UMAD1: variants seen among roughly 807,000 people sequenced by gnomAD.
The protein encoded by UMAD1 is UBAP1-MVB12-associated (UMA)-domain containing protein 1.
Under a neutral mutation model 6.1 loss-of-function variants are expected in UMAD1, and 8 were observed. The observed-to-expected ratio is 1.30, with a 90% CI of 0.76 to 2.35. UMAD1 has a LOEUF of 2.35. Among genes scored for constraint, UMAD1 ranks in the 30% most tolerant of loss-of-function variants. The pLI, the probability that UMAD1 is intolerant of heterozygous loss-of-function variation, is 0.00. For synonymous variants in UMAD1, 56 were observed against 31.4 expected, an observed-to-expected ratio of 1.78 and a Z score of -2.61; for missense variants, 130 against 78.4, an observed-to-expected ratio of 1.66 and a Z score of -2.49.
intron 3 of UMAD1, among the ~76,000 whole-genome samples, chr7:7,831,170 A>T (rs1018979698): frequency 3.9e-5 from 6 of 152,206 alleles, no homozygotes; most frequent in African/African-American, 1.4e-4. Flanking sequence ...GTTACAGTTA[A>T]GGTGACATTA....
intron 2 of UMAD1, among the ~76,000 whole-genome samples, chr7:7,728,671 A>C (rs894777238): frequency 9.9e-5 from 15 of 151,614 alleles, no homozygotes; most frequent in Admixed American, 9.9e-4. Context: ...CACCTATCTC[A>C]GAGGTTGATC....
At chr7:7,768,888 TATTA>T (rs1171685748) in intron 2 of UMAD1, among the ~76,000 whole-genome samples, 1 of 152,236 alleles carries the variant, frequency 6.6e-6, no homozygotes, top group African/African-American at 2.4e-5. Context: ...GTCTATAACA[TATTA>T]ATTAAGTCAG....
At chr7:7,844,996 T>A (rs1289405948) in intron 3 of UMAD1, among the ~76,000 whole-genome samples, 1 of 152,176 alleles carries the variant, frequency 6.6e-6, no homozygotes, top group Non-Finnish European at 1.5e-5. Flanking sequence ...CGTAAAAAAA[T>A]TTACATAAAT....
At chr7:7,850,434 C>T (rs534090772) in intron 3 of UMAD1, among the ~76,000 whole-genome samples, 1 of 152,076 alleles carries the variant, frequency 6.6e-6, no homozygotes, top group African/African-American at 2.4e-5. Flanking sequence ...TCTCCTTGAA[C>T]TCAGATTTCC....
At chr7:7,802,211 C>G (rs1469119076) in intron 3 of UMAD1, among the ~76,000 whole-genome samples, 2 of 152,168 alleles carry the variant, frequency 1.3e-5, no homozygotes, top group African/African-American at 4.8e-5. Flanking sequence ...AACCCCATCT[C>G]TACTAAAAAT....
intron 3 of UMAD1, among the ~76,000 whole-genome samples, chr7:7,850,350 T>A (rs1209837709): frequency 6.6e-6 from 1 of 151,942 alleles, no homozygotes; most frequent in Non-Finnish European, 1.5e-5. Flanking sequence ...TTTGATACAT[T>A]ACATCATCCA....
chr7:7,813,459 C>G (rs569556336), intron 3 of UMAD1, among the ~76,000 whole-genome samples: 8 of 152,292 alleles, frequency 5.3e-5, no homozygotes, highest in Non-Finnish European at 8.8e-5. Context: ...CTGCCTTGGC[C>G]TCCCAAAGTG....
chr7:7,867,222 G>A (rs1330411539), intron 3 of UMAD1, among the ~76,000 whole-genome samples: 10 of 152,282 alleles, frequency 6.6e-5, no homozygotes, highest in African/African-American at 2.4e-4. Context: ...AAAAGGAAAT[G>A]TATAATAGGA....
Position 7,873,938 on chromosome 7 carries a change from C to G in UMAD1, c.157-3343C>G, listed in dbSNP as rs966508045. 2.0e-5 allele frequency among the ~76,000 whole-genome samples: 3 copies of G among 152,272 alleles called. No individual in the cohort carries two copies. The East Asian group carries it at 5.8e-4, about 29-fold the overall frequency. On this transcript the variant is annotated intron_variant, in intron 3 of 3. Coordinates refer to ENST00000682710, the MANE Select transcript of UMAD1 (RefSeq NM_001302348.2). ...TGTTCTAATTTTCTCTCCACTTTCT[C>G]CACCAGATCTCGTCCAGCTGCAGAT...
At chr7:7,654,772 C>T (rs977885111) in intron 1 of UMAD1, among the ~76,000 whole-genome samples, 9 of 151,784 alleles carry the variant, frequency 5.9e-5, no homozygotes, top group South Asian at 2.1e-4. Context: ...GGTGTGGTGG[C>T]GGGTGCCTGT....
chr7:7,729,426 C>G (rs1210026154), intron 2 of UMAD1, among the ~76,000 whole-genome samples: 1 of 152,184 alleles, frequency 6.6e-6, no homozygotes, highest in Non-Finnish European at 1.5e-5. Flanking sequence ...ACTTTGTTCT[C>G]TCAGACAGAT....
At chr7:7,833,252 G>A (rs1783498806) in intron 3 of UMAD1, among the ~76,000 whole-genome samples, 1 of 152,154 alleles carries the variant, frequency 6.6e-6, no homozygotes, top group South Asian at 2.1e-4. Context: ...ACAGACTACA[G>A]GAGAACAGAT....
chr7:7,823,939 C>T (rs1783294631), intron 3 of UMAD1, among the ~76,000 whole-genome samples: 2 of 151,948 alleles, frequency 1.3e-5, no homozygotes, highest in Non-Finnish European at 2.9e-5. Context: ...CAGTATAATC[C>T]CAGACAAAAA....
chr7:7,785,501 C>G (rs1340851637), intron 2 of UMAD1, among the ~76,000 whole-genome samples: 15 of 152,122 alleles, frequency 9.9e-5, no homozygotes, highest in Non-Finnish European at 1.5e-5. Context: ...GGAATTTGAC[C>G]TTTATCCTAA....
chr7:7,729,247 G>C (rs747981787), intron 2 of UMAD1, among the ~76,000 whole-genome samples: 1 of 152,204 alleles, frequency 6.6e-6, no homozygotes, highest in African/African-American at 2.4e-5. Context: ...CATGGAACAT[G>C]ATGAGGCTCG....
chr7:7,705,994 A>G (rs1470359577), intron 2 of UMAD1, among the ~76,000 whole-genome samples: 1 of 152,202 alleles, frequency 6.6e-6, no homozygotes, highest in African/African-American at 2.4e-5. Context: ...TGTGTACTCT[A>G]TAATCTTTTA....
chr7:7,854,656 G>T (rs776061839), intron 3 of UMAD1, among the ~76,000 whole-genome samples: 12 of 152,104 alleles, frequency 7.9e-5, no homozygotes, highest in Non-Finnish European at 1.3e-4. Flanking sequence ...TGAGATTTGG[G>T]TGGGGACACA....
At chr7:7,652,332 A>G (rs988839261) in intron 1 of UMAD1, among the ~76,000 whole-genome samples, 2 of 152,322 alleles carry the variant, frequency 1.3e-5, no homozygotes, top group South Asian at 4.1e-4. Context: ...AGTTTGACTC[A>G]GACTTTGAGA....
At chr7:7,868,649 A>G (rs1241710375) in intron 3 of UMAD1, 1 of 152,148 alleles carries the variant, frequency 6.6e-6, no homozygotes, top group East Asian at 1.9e-4. Flanking sequence ...AGGAACAGAG[A>G]AAATAATCTG....
Sources: gnomAD v4.1 joint callset for allele counts (sites outside exome capture counted in the v4.1 genomes callset) on GRCh38, gnomAD v4.1.1 for gene constraint, MANE v1.5 for transcripts, NCBI Gene and HGNC (gene_info 2026-07-23, HGNC 2026-07-21) for gene names.